TRARG1: variants seen among roughly 807,000 people sequenced by gnomAD.
TRARG1 encodes the protein trafficking regulator of GLUT4 1.
A neutral mutation model predicts 13.3 loss-of-function variants in TRARG1; 16 were observed. That is an observed-to-expected ratio of 1.20 (90% CI 0.81 to 1.83). TRARG1 has a LOEUF of 1.83. Among genes scored for constraint, TRARG1 ranks in the 40% most tolerant of loss-of-function variants. TRARG1 has a pLI of 0.00. For synonymous variants in TRARG1, 113 were observed against 106.2 expected (o/e 1.06, Z -0.39); for missense variants, 250 against 237.4 (o/e 1.05, Z -0.35).
chr17:1,283,808 CA>C (rs67263348), intron 1 of TRARG1, among the ~76,000 whole-genome samples: 1 of 147,134 alleles, frequency 6.8e-6, no homozygotes, highest in African/African-American at 2.6e-5. Context: ...GATTCTATCT[CA>C]AAAAAAATAA....
Position 1,280,072 on chromosome 17 carries a change from C to T in TRARG1, c.71C>T (p.Pro24Leu), listed in dbSNP as rs765075771. ...GGCTCCGCCGCATTCCTGGACCTGCCGGAGATGGAGATACTCCTCACCAAG... is the reference window on the plus strand; with the variant it reads ...GGCTCCGCCGCATTCCTGGACCTGCTGGAGATGGAGATACTCCTCACCAAG... ...EPGSAAFLDL[P>L]EMEILLTKAE... Residue 24 changes from proline (P) to leucine (L), a missense_variant, in exon 1 of 3, where the codon CCG (proline) becomes CTG (leucine). Coordinates refer to ENST00000333813, the MANE Select transcript of TRARG1 (RefSeq NM_172367.3). 1.3e-5 allele frequency: 21 copies of T among 1,613,500 alleles called. No homozygotes were observed. The highest frequency in any genetic ancestry group is 1.8e-5 in the Non-Finnish European group (21 of 1,180,026).
rs756433797 is a variant in TRARG1 at position 1,298,310 on chromosome 17, G to T, written c.*46G>T. On this transcript the variant is annotated 3_prime_UTR_variant, in exon 3 of 3. Coordinates refer to ENST00000333813, the MANE Select transcript of TRARG1 (RefSeq NM_172367.3). ...TAGCAGAGGCCGGCCCTGGCCATCG[G>T]GAGAGCTCTGACCTGCACACCGCGG... 1 of 1,608,616 alleles carries T rather than the reference G, an allele frequency of 6.2e-7. No homozygotes were observed. Among genetic ancestry groups the T allele is most frequent in the Non-Finnish European group, 8.5e-7 (1 of 1,177,364 alleles).
At chr17:1,296,836 G>C (rs2072115195) in intron 2 of TRARG1, among the ~76,000 whole-genome samples, 1 of 151,676 alleles carries the variant, frequency 6.6e-6, no homozygotes, top group Non-Finnish European at 1.5e-5. Context: ...GTAGAGATGG[G>C]GTTGCATCAC....
At chr17:1,290,418 C>G (rs983267739) in intron 1 of TRARG1, among the ~76,000 whole-genome samples, 4 of 152,194 alleles carry the variant, frequency 2.6e-5, no homozygotes, top group African/African-American at 9.6e-5. Context: ...GCTTCAGCCT[C>G]CCGAGTAGCT....
At chr17:1,282,235 CGT>C (rs1567928219) in intron 1 of TRARG1, among the ~76,000 whole-genome samples, 6 of 133,232 alleles carry the variant, frequency 4.5e-5, no homozygotes, top group African/African-American at 1.6e-4. Context: ...CGTATATGTA[CGT>C]ATATGCACGT....
At chr17:1,289,622 C>G (rs1214519207) in intron 1 of TRARG1, among the ~76,000 whole-genome samples, 1 of 151,208 alleles carries the variant, frequency 6.6e-6, no homozygotes, top group Non-Finnish European at 1.5e-5. Flanking sequence ...CCCTCTCCCA[C>G]TCCTCCTCAG....
At chr17:1,288,179 TC>T (rs1364129914) in intron 1 of TRARG1, among the ~76,000 whole-genome samples, 3 of 152,016 alleles carry the variant, frequency 2.0e-5, no homozygotes, top group Admixed American at 1.3e-4. Flanking sequence ...CCTATTCGCT[TC>T]CACTGCTGAG....
chr17:1,291,452 C>G (rs1260706891), intron 1 of TRARG1, among the ~76,000 whole-genome samples: 1 of 152,214 alleles, frequency 6.6e-6, no homozygotes, highest in African/African-American at 2.4e-5. Context: ...TTGTTCGGCA[C>G]TTTTCCTTTC....
At position 1,282,285 on chromosome 17, in the gene TRARG1, C is replaced by CGT. The variant is rs1555630866; in HGVS notation, c.387+1897_387+1898insGT. On this transcript the variant is annotated intron_variant, in intron 1 of 2. Coordinates refer to ENST00000333813, the MANE Select transcript of TRARG1 (RefSeq NM_172367.3). Reference sequence around the variant, plus strand: ...ATGTACATATATGCACGTATATGTACATATATGTACGTATATGTACATATG... The same window carrying CGT: ...ATGTACATATATGCACGTATATGTACGTATATATGTACGTATATGTACATATG... Among the ~76,000 whole-genome samples, 47 of 136,862 alleles carry CGT rather than the reference C, an allele frequency of 3.4e-4. No individual in the cohort carries two copies. In the East Asian group the frequency reaches 6.3e-3, roughly 18 times the overall value. 89.8% of individuals were successfully genotyped at this position (136,862 alleles called of 152,430 possible).
rs559995959 is a variant in TRARG1, at chr17:1,282,765, C to T, written c.387+2377C>T. The stretch of plus-strand genomic sequence containing the variant: ...AGTGCAATGGTGCGATCTTGGCTCA[C>T]TGCAAACTCCGTCTCCCAGGTTCAT... On this transcript the variant is annotated intron_variant, in intron 1 of 2. Transcript: ENST00000333813. Among the ~76,000 whole-genome samples the T allele has an allele frequency of 2.6e-5, 4 of 152,280 alleles. No homozygotes were observed. In the East Asian group the frequency reaches 5.8e-4, roughly 22 times the overall value.
chr17:1,282,502 C>G lies in TRARG1; in HGVS notation c.387+2114C>G, dbSNP rs183673663. On this transcript the variant is annotated intron_variant, in intron 1 of 2. Transcript: ENST00000333813. ...TCTCTTGCCTCAGCCTCCTGAGTAG[C>G]TGGGATTACAGGAGCCCACCACCAC... Among the ~76,000 whole-genome samples, 267 of 151,318 alleles carry G rather than the reference C, an allele frequency of 1.8e-3. 3 individuals carry two copies. The highest frequency in any genetic ancestry group is 0.016 in the Admixed American group (248 of 15,158).
chr17:1,294,711 G>A (rs550236032), intron 1 of TRARG1, among the ~76,000 whole-genome samples: 19 of 138,892 alleles, frequency 1.4e-4, no homozygotes, highest in Admixed American at 7.4e-4. Flanking sequence ...TTTTTGAGAC[G>A]GAGTCTTGCT....
intron 1 of TRARG1, among the ~76,000 whole-genome samples, chr17:1,284,719 C>G (rs186925104): frequency 6.6e-6 from 1 of 151,960 alleles, no homozygotes; most frequent in Non-Finnish European, 1.5e-5. Flanking sequence ...CTTGCTCTGT[C>G]GCCCAGGCTG....
chr17:1,280,395 G>T lies in TRARG1; in HGVS notation c.387+7G>T. On this transcript the variant is annotated splice_region_variant and intron_variant, in intron 1 of 2. Transcript: ENST00000333813. ...CCTCATCATTTCCATCATGGTAAGTGCTGGTCTTTGTTCCAGGGGCAGGGG... is the reference window on the plus strand; with the variant it reads ...CCTCATCATTTCCATCATGGTAAGTTCTGGTCTTTGTTCCAGGGGCAGGGG... 1.3e-6 allele frequency: 2 copies of T among 1,575,522 alleles called. No individual in the cohort carries two copies. Among genetic ancestry groups the T allele is most frequent in the Non-Finnish European group, 1.7e-6 (2 of 1,161,704 alleles).
chr17:1,282,846 T>G (rs893303766), intron 1 of TRARG1, among the ~76,000 whole-genome samples: 1 of 151,732 alleles, frequency 6.6e-6, no homozygotes, highest in Non-Finnish European at 1.5e-5. Flanking sequence ...CTGGCCACCA[T>G]GCCTGGCTAA....
intron 1 of TRARG1, among the ~76,000 whole-genome samples, chr17:1,285,276 C>T (rs28564156): frequency 0.31 from 46,931 of 151,130 alleles, 8,692 homozygotes; most frequent in African/African-American, 0.51. Context: ...CCAGGCGTGG[C>T]GGCACACACC....
chr17:1,282,062 G>GTATACGCATA lies in TRARG1; in HGVS notation c.387+1679_387+1680insGCATATATAC, dbSNP rs1555630768. ...CACACATATGTACACATATGTACAT[G>GTATACGCATA]TATACACATATATACATATATGTAC... On this transcript the variant is annotated intron_variant, in intron 1 of 2. Coordinates refer to ENST00000333813, the MANE Select transcript of TRARG1 (RefSeq NM_172367.3). Among the ~76,000 whole-genome samples, 1,346 of 145,464 alleles carry GTATACGCATA rather than the reference G, an allele frequency of 9.3e-3. 25 individuals are homozygous for GTATACGCATA. Among genetic ancestry groups the GTATACGCATA allele is most frequent in the African/African-American group, 0.033 (1,228 of 37,050 alleles).
intron 1 of TRARG1, among the ~76,000 whole-genome samples, chr17:1,290,905 A>ATT (rs34602713): frequency 0.034 from 4,779 of 141,478 alleles, 92 homozygotes; most frequent in Non-Finnish European, 0.044. Context: ...GATCTGATGG[A>ATT]TTTTTTTTTT....
At position 1,298,403 on chromosome 17, in the gene TRARG1, A is replaced by G; in HGVS notation, c.*139A>G. 2.3e-6 allele frequency: 2 copies of G among 881,724 alleles called. No individual in the cohort carries two copies. The highest frequency in any genetic ancestry group is 2.7e-5 in the East Asian group (1 of 36,816). The allele number at this position is 881,724 out of a possible 1,614,324, so 54.6% of individuals were successfully genotyped here. On this transcript the variant is annotated 3_prime_UTR_variant, in exon 3 of 3. Coordinates refer to ENST00000333813, the MANE Select transcript of TRARG1 (RefSeq NM_172367.3). ...TCCAAAAGCACAGACTCAAAGGGAA[A>G]CCCCCCAGTCACCCACTGTCAGCCC...
Sources: gnomAD v4.1 joint callset for allele counts (sites outside exome capture counted in the v4.1 genomes callset) on GRCh38, gnomAD v4.1.1 for gene constraint, MANE v1.5 for transcripts, NCBI Gene and HGNC (gene_info 2026-07-23, HGNC 2026-07-21) for gene names.